The following ASAP2 variants were observed in gnomAD, a reference collection of about 807,000 sequenced individuals.
ASAP2 encodes ArfGAP with SH3 domain, ankyrin repeat and PH domain 2.
A neutral mutation model predicts 131.4 loss-of-function variants in ASAP2; 45 were observed. The ratio of observed to expected loss-of-function variants is 0.34; its 90% CI spans 0.27 to 0.44. The LOEUF is 0.44. Among genes scored for constraint, ASAP2 ranks in the 20% least tolerant of loss-of-function variants. The pLI is 1.00. For missense variants in ASAP2, 1,011 were observed against 1,297.0 expected (o/e 0.78, Z 3.39); for synonymous variants, 510 against 503.0 (o/e 1.01, Z -0.19).
chr2:9,385,189 C>T, intron 20 of ASAP2, 56 bp from the exon 21 acceptor site: 2 of 1,364,454 alleles, frequency 1.5e-6, no homozygotes, highest in East Asian at 4.6e-5. Flanking sequence ...TCAGTGGGTC[C>T]AGATGCATGG....
rs369467344 is a variant in ASAP2 at position 9,344,671 on chromosome 2, G to A, written c.953+36G>A. 1.7e-4 allele frequency: 280 copies of A among 1,612,280 alleles called. 1 individual carries two copies. Among genetic ancestry groups the A allele is most frequent in the Non-Finnish European group, 5.5e-5 (65 of 1,178,408 alleles). On this transcript the variant is annotated intron_variant, in intron 10 of 27. Coordinates refer to ENST00000281419, the MANE Select transcript of ASAP2 (RefSeq NM_003887.3). ...GGGTGTGGCTAGAGTTTAAATGTAC[G>A]TTCGTTATCTTGTGTCCAAAATGTC...
intron 15 of ASAP2, among the ~76,000 whole-genome samples, chr2:9,362,471 G>A (rs561244692): frequency 1.3e-5 from 2 of 152,164 alleles, no homozygotes; most frequent in African/African-American, 2.4e-5. Flanking sequence ...GTATACATTG[G>A]GTGTGACTAA....
At chr2:9,256,130 T>C (rs1665140983) in intron 1 of ASAP2, among the ~76,000 whole-genome samples, 1 of 128,160 alleles carries the variant, frequency 7.8e-6, no homozygotes, top group African/African-American at 3.1e-5. Context: ...TTCATAGAAA[T>C]GGCAGGAGAA....
chr2:9,283,843 T>A (rs1667288724), intron 2 of ASAP2, among the ~76,000 whole-genome samples: 1 of 152,144 alleles, frequency 6.6e-6, no homozygotes. Flanking sequence ...TCTCCTCTTA[T>A]AAGGACCCTA....
intron 12 of ASAP2, among the ~76,000 whole-genome samples, chr2:9,355,289 C>T (rs1330255811): frequency 6.6e-6 from 1 of 152,174 alleles, no homozygotes; most frequent in Non-Finnish European, 1.5e-5. Context: ...TGTATCGGTT[C>T]TGTAGTCTCA....
At chr2:9,270,143 G>A (rs1488022078) in intron 1 of ASAP2, among the ~76,000 whole-genome samples, 2 of 152,170 alleles carry the variant, frequency 1.3e-5, no homozygotes, top group Admixed American at 6.5e-5. Flanking sequence ...CTTCCACCTG[G>A]CCCCTGAGAA....
chr2:9,344,855 G>A, intron 11 of ASAP2, 55 bp downstream of exon 11: 1 of 1,511,770 alleles, frequency 6.6e-7, no homozygotes, highest in Non-Finnish European at 9.2e-7. Context: ...GGTTGGTGTT[G>A]GAGGACTTTC....
At chr2:9,247,305 C>T (rs1057397708) in intron 1 of ASAP2, among the ~76,000 whole-genome samples, 13 of 152,166 alleles carry the variant, frequency 8.5e-5, no homozygotes, top group Non-Finnish European at 1.8e-4. Flanking sequence ...CTGACTTGCC[C>T]TTCACCAGAG....
At chr2:9,396,950 C>G (rs926632532) in intron 24 of ASAP2, among the ~76,000 whole-genome samples, 4 of 152,160 alleles carry the variant, frequency 2.6e-5, no homozygotes, top group Non-Finnish European at 5.9e-5. Flanking sequence ...TGCAGTGAGC[C>G]AAGATCACAC....
At chr2:9,294,190 C>A (rs533639202) in intron 2 of ASAP2, among the ~76,000 whole-genome samples, 2 of 151,718 alleles carry the variant, frequency 1.3e-5, no homozygotes, top group African/African-American at 4.8e-5. Flanking sequence ...GTAGAGACAG[C>A]GTTTCATCAT....
chr2:9,318,504 C>T lies in ASAP2; in HGVS notation c.346-20C>T. 2 of 1,582,570 alleles carry T rather than the reference C, an allele frequency of 1.3e-6. No individual in the cohort carries two copies. The highest frequency in any genetic ancestry group is 1.1e-5 in the South Asian group (1 of 90,236). ...CACAAGGAAGCTGAATAAGAATCTC[C>T]TTTTGTTTTTGTTTTTTAGATTCAG... is the stretch of plus-strand genomic sequence containing the variant. On this transcript the variant is annotated intron_variant, in intron 3 of 27. Transcript: ENST00000281419.
At chr2:9,346,734 A>G (rs1043964252) in intron 11 of ASAP2, among the ~76,000 whole-genome samples, 2 of 152,196 alleles carry the variant, frequency 1.3e-5, no homozygotes, top group East Asian at 3.8e-4. Flanking sequence ...CAAGGGGCAT[A>G]TTTGCTTCAT....
intron 1 of ASAP2, among the ~76,000 whole-genome samples, chr2:9,273,103 T>TA (rs1666516679): frequency 1.3e-5 from 2 of 152,354 alleles, no homozygotes; most frequent in South Asian, 4.1e-4. Context: ...GGTATTTTGA[T>TA]AGAGATTGCA....
At chr2:9,240,379 C>T (rs1041837196) in intron 1 of ASAP2, among the ~76,000 whole-genome samples, 18 of 151,876 alleles carry the variant, frequency 1.2e-4, no homozygotes, top group African/African-American at 2.7e-4. Flanking sequence ...TCCACCTCCC[C>T]GGTAGCTGGG....
intron 14 of ASAP2, among the ~76,000 whole-genome samples, chr2:9,357,398 G>A (rs1251832354): frequency 6.6e-6 from 1 of 152,136 alleles, no homozygotes; most frequent in African/African-American, 2.4e-5. Flanking sequence ...AGAATCACTC[G>A]AATCCAGGTG....
chr2:9,295,878 A>G (rs1207327491), intron 2 of ASAP2, among the ~76,000 whole-genome samples: 2 of 152,262 alleles, frequency 1.3e-5, no homozygotes, highest in Non-Finnish European at 2.9e-5. Flanking sequence ...CTTCCCCCAT[A>G]GGATGGGTGA....
At chr2:9,396,866 A>G (rs1284118590) in intron 24 of ASAP2, among the ~76,000 whole-genome samples, 1 of 152,084 alleles carries the variant, frequency 6.6e-6, no homozygotes, top group Non-Finnish European at 1.5e-5. Flanking sequence ...GCCGGGCATG[A>G]TGGCACACAC....
intron 3 of ASAP2, among the ~76,000 whole-genome samples, chr2:9,309,539 G>A (rs980344727): frequency 2.6e-5 from 4 of 152,100 alleles, no homozygotes; most frequent in South Asian, 2.1e-4. Context: ...GGGGTGAGAG[G>A]GTACTTTCCC....
At chr2:9,352,241 A>T (rs1446984320) in intron 12 of ASAP2, among the ~76,000 whole-genome samples, 1 of 150,134 alleles carries the variant, frequency 6.7e-6, no homozygotes, top group Non-Finnish European at 1.5e-5. Context: ...ACACACACAC[A>T]CACACAAACA....
Sources: gnomAD v4.1 joint callset for allele counts (sites outside exome capture counted in the v4.1 genomes callset) on GRCh38, gnomAD v4.1.1 for gene constraint, MANE v1.5 for transcripts, NCBI Gene and HGNC (gene_info 2026-07-23, HGNC 2026-07-21) for gene names.